Variants in RBPMS observed in about 807,000 individuals in gnomAD.
RBPMS encodes RNA binding protein, mRNA processing factor, also known as RNA-binding protein with multiple splicing.
A neutral mutation model predicts 26.8 loss-of-function variants in RBPMS; 7 were observed. The ratio of observed to expected loss-of-function variants is 0.26; its 90% CI spans 0.15 to 0.49. RBPMS has a LOEUF of 0.49. RBPMS is among the 20% of genes least tolerant of loss of function. The pLI is 0.98. For missense variants in RBPMS, 186 were observed against 250.0 expected, an observed-to-expected ratio of 0.74 and a Z score of 1.73; for synonymous variants, 96 against 93.3, an observed-to-expected ratio of 1.03 and a Z score of -0.17.
At chr8:30,407,927 A>G (rs2150569689) in intron 1 of RBPMS, among the ~76,000 whole-genome samples, 1 of 149,284 alleles carries the variant, frequency 6.7e-6, no homozygotes, top group East Asian at 2.0e-4. Context: ...TCAAGGGAAC[A>G]AGAGTTCTCT....
intron 1 of RBPMS, among the ~76,000 whole-genome samples, chr8:30,424,649 C>G (rs1006436316): frequency 2.0e-5 from 3 of 152,118 alleles, no homozygotes; most frequent in African/African-American, 7.2e-5. Flanking sequence ...GATAATAATG[C>G]CTACTTCGTG....
intron 1 of RBPMS, among the ~76,000 whole-genome samples, chr8:30,411,280 CTT>C (rs1809361608): frequency 6.6e-6 from 1 of 152,144 alleles, no homozygotes; most frequent in Admixed American, 6.5e-5. Context: ...AAGTAGGAGT[CTT>C]ATTCTAAGGA....
intron 5 of RBPMS, among the ~76,000 whole-genome samples, chr8:30,522,324 A>AAACAACAAC (rs144638380): frequency 4.0e-5 from 6 of 150,928 alleles, no homozygotes; most frequent in Admixed American, 2.0e-4. Flanking sequence ...CTCCACCTCA[A>AAACAACAAC]AACAACAACA....
intron 1 of RBPMS, among the ~76,000 whole-genome samples, chr8:30,447,747 CAA>C (rs1814045292): frequency 6.6e-6 from 1 of 151,976 alleles, no homozygotes; most frequent in Non-Finnish European, 1.5e-5. Flanking sequence ...TGTGTCTATA[CAA>C]AATTGTATCT....
chr8:30,464,269 A>G (rs1478573024), intron 1 of RBPMS, among the ~76,000 whole-genome samples: 1 of 152,176 alleles, frequency 6.6e-6, no homozygotes, highest in East Asian at 1.9e-4. Flanking sequence ...TAGTTGATAG[A>G]TACTGATCAC....
chr8:30,520,412 G>A (rs537363895), intron 5 of RBPMS, among the ~76,000 whole-genome samples: 1 of 152,038 alleles, frequency 6.6e-6, no homozygotes, highest in African/African-American at 2.4e-5. Flanking sequence ...GTGTTTTTTA[G>A]TATATTTTCA....
chr8:30,545,480 T>G, intron 6 of RBPMS: 1 of 982,506 alleles, frequency 1.0e-6, no homozygotes, highest in African/African-American at 1.7e-5. Flanking sequence ...GTACGTAGGT[T>G]TCATTTGTCT....
At chr8:30,417,063 T>C (rs1810170418) in intron 1 of RBPMS, among the ~76,000 whole-genome samples, 1 of 152,204 alleles carries the variant, frequency 6.6e-6, no homozygotes. Flanking sequence ...GAACCACTGC[T>C]CCTGGCCTTG....
At chr8:30,421,192 C>T (rs1015427834) in intron 1 of RBPMS, among the ~76,000 whole-genome samples, 4 of 151,628 alleles carry the variant, frequency 2.6e-5, no homozygotes, top group African/African-American at 7.3e-5. Flanking sequence ...TGTGAGTGTG[C>T]GCATGAGCTG....
At chr8:30,410,154 AC>A (rs1179131872) in intron 1 of RBPMS, among the ~76,000 whole-genome samples, 1 of 136,720 alleles carries the variant, frequency 7.3e-6, no homozygotes, top group Non-Finnish European at 1.5e-5. Flanking sequence ...ACACACACAC[AC>A]ACACACACAC....
At chr8:30,455,433 A>AT (rs899946964) in intron 1 of RBPMS, among the ~76,000 whole-genome samples, 2 of 82,124 alleles carry the variant, frequency 2.4e-5, no homozygotes, top group African/African-American at 7.0e-5. Flanking sequence ...CTGTGAAACA[A>AT]TTAAAAAAAA....
intron 8 of RBPMS, among the ~76,000 whole-genome samples, chr8:30,569,837 T>C (rs1828146838): frequency 6.6e-6 from 1 of 152,150 alleles, no homozygotes; most frequent in Non-Finnish European, 1.5e-5. Context: ...ACAGTAAGCA[T>C]ACTTAAGCGG....
At chr8:30,435,892 A>G (rs557669276) in intron 1 of RBPMS, among the ~76,000 whole-genome samples, 4 of 152,218 alleles carry the variant, frequency 2.6e-5, no homozygotes, top group Non-Finnish European at 4.4e-5. Context: ...TGCAGCCTCC[A>G]AACTCCTGGC....
At chr8:30,511,823 CA>C (rs1229596529) in intron 5 of RBPMS, among the ~76,000 whole-genome samples, 3 of 149,780 alleles carry the variant, frequency 2.0e-5, no homozygotes, top group Non-Finnish European at 3.0e-5. Context: ...GACTGTGTCT[CA>C]AAAAAAAATC....
At chr8:30,477,046 AG>A (rs546127364) in intron 2 of RBPMS, among the ~76,000 whole-genome samples, 353 of 152,284 alleles carry the variant, frequency 2.3e-3, no homozygotes, top group Non-Finnish European at 2.8e-3. Flanking sequence ...AAATGTGGTC[AG>A]GGAGTTTTAC....
chr8:30,461,559 T>A (rs529308693), intron 1 of RBPMS, among the ~76,000 whole-genome samples: 1 of 152,248 alleles, frequency 6.6e-6, no homozygotes, highest in East Asian at 1.9e-4. Context: ...CACGCCCTGC[T>A]AATTTTTTGT....
At chr8:30,561,813 T>G (rs1827511563) in intron 7 of RBPMS, 1 of 972,186 alleles carries the variant, frequency 1.0e-6, no homozygotes, top group Non-Finnish European at 1.2e-6. Context: ...AGGGCTTTTT[T>G]CCCCTTAAGA....
intron 5 of RBPMS, among the ~76,000 whole-genome samples, chr8:30,530,540 G>A (rs1302500518): frequency 6.6e-6 from 1 of 152,114 alleles, no homozygotes; most frequent in Non-Finnish European, 1.5e-5. Context: ...TCAGCTCACT[G>A]CACCATCCGC....
intron 1 of RBPMS, among the ~76,000 whole-genome samples, chr8:30,417,642 G>A (rs1161188106): frequency 6.6e-6 from 1 of 152,064 alleles, no homozygotes; most frequent in Admixed American, 6.6e-5. Context: ...CACAGTTAAC[G>A]GTTTAATGTG....
Sources: gnomAD v4.1 joint callset for allele counts (sites outside exome capture counted in the v4.1 genomes callset) on GRCh38, gnomAD v4.1.1 for gene constraint, MANE v1.5 for transcripts, NCBI Gene and HGNC (gene_info 2026-07-23, HGNC 2026-07-21) for gene names.